The following LITAF variants were observed in gnomAD, a reference collection of about 807,000 sequenced individuals.
LITAF encodes the protein lipopolysaccharide induced TNF factor.
LITAF carries 9 observed loss-of-function variants against 14.5 expected under a neutral mutation model. The ratio of observed to expected loss-of-function variants is 0.62; its 90% CI spans 0.37 to 1.08. The LOEUF (loss-of-function observed/expected upper bound fraction) is 1.08. Ranked by LOEUF, LITAF falls within the 50% of genes least tolerant of loss-of-function variation. The pLI is 0.01. For synonymous variants in LITAF, 98 were observed against 88.2 expected, an observed-to-expected ratio of 1.11 and a Z score of -0.62; for missense variants, 206 against 213.4, an observed-to-expected ratio of 0.97 and a Z score of 0.22.
chr16:11,603,848 T>A (rs1555472451), intron 3 of LITAF, among the ~76,000 whole-genome samples: 1 of 150,176 alleles, frequency 6.7e-6, no homozygotes, highest in Non-Finnish European at 1.5e-5. Context: ...ATCGAGACCA[T>A]CCTGGCTAAC....
intron 3 of LITAF, among the ~76,000 whole-genome samples, chr16:11,608,320 G>A (rs991683520): frequency 6.6e-6 from 1 of 152,236 alleles, no homozygotes; most frequent in Non-Finnish European, 1.5e-5. Flanking sequence ...AAGGGACGTA[G>A]CTGGATCATG....
chr16:11,550,826 G>A lies in LITAF; in HGVS notation c.378-1081C>T, dbSNP rs546555759. ...TACTTTCATCCTGATGAGCCATGGCGTCTCTGTTGCAACTGCTCAACTCTG... is the reference window on the plus strand; with the variant it reads ...TACTTTCATCCTGATGAGCCATGGCATCTCTGTTGCAACTGCTCAACTCTG... On this transcript the variant is annotated intron_variant, in intron 3 of 3. Coordinates refer to ENST00000622633, the MANE Select transcript of LITAF (RefSeq NM_001136472.2). 3.9e-5 allele frequency among the ~76,000 whole-genome samples: 6 copies of A among 152,236 alleles called. No homozygotes were observed. In the East Asian group the frequency reaches 9.7e-4, roughly 25 times the overall value.
intron 1 of LITAF, among the ~76,000 whole-genome samples, chr16:11,580,180 C>T (rs1386828009): frequency 1.3e-5 from 2 of 152,008 alleles, no homozygotes; most frequent in Non-Finnish European, 2.9e-5. Context: ...GAAACACTTC[C>T]GGTCCCAAGC....
intron 3 of LITAF, among the ~76,000 whole-genome samples, chr16:11,608,958 C>A (rs4781127): frequency 2.4e-3 from 286 of 117,590 alleles, no homozygotes; most frequent in African/African-American, 8.0e-3. Flanking sequence ...CACACACACA[C>A]AAAAAAAACA....
chr16:11,578,307 C>G (rs970305005), intron 1 of LITAF, among the ~76,000 whole-genome samples: 1 of 152,132 alleles, frequency 6.6e-6, no homozygotes, highest in African/African-American at 2.4e-5. Flanking sequence ...CCTGTAATCC[C>G]GGCACTTTGG....
At chr16:11,556,253 C>T in intron 2 of LITAF, 1 of 538,600 alleles carries the variant, frequency 1.9e-6, no homozygotes, top group East Asian at 2.9e-5. Context: ...GTTGGTTGTG[C>T]CTCCAAGAGA....
rs372341839 is a variant in LITAF, at chr16:11,549,616, C to T, written c.*21G>A. The T allele has an allele frequency of 2.5e-6, 4 of 1,580,764 alleles. No homozygotes were observed. Among genetic ancestry groups the T allele is most frequent in the Non-Finnish European group, 3.5e-6 (4 of 1,152,068 alleles). On this transcript the variant is annotated 3_prime_UTR_variant, in exon 4 of 4. Coordinates refer to ENST00000622633, the MANE Select transcript of LITAF (RefSeq NM_001136472.2). This position sits in a 1 kb window ranked among gnomAD's most constrained non-coding sequence, Gnocchi z 4.6. ...AAAGGACTTCCTGCGGCACCCGGCT[C>T]CCTCCACGTCTGGCTGAGTCCTACA...
At chr16:11,638,292 T>G (rs1216393685), upstream of LITAF, among the ~76,000 whole-genome samples, 6 of 151,524 alleles carry the variant, frequency 4.0e-5, no homozygotes, top group African/African-American at 1.5e-4. Flanking sequence ...ATAATGCACA[T>G]AACAAGTGCT....
At chr16:11,560,794 G>A (rs912284076) in intron 1 of LITAF, among the ~76,000 whole-genome samples, 2 of 152,174 alleles carry the variant, frequency 1.3e-5, no homozygotes, top group African/African-American at 2.4e-5. Flanking sequence ...CAGGAGGGCA[G>A]GGTGGGGCTG....
chr16:11,615,042 A>G (rs1292411578), intron 3 of LITAF, among the ~76,000 whole-genome samples: 1 of 152,196 alleles, frequency 6.6e-6, no homozygotes, highest in Non-Finnish European at 1.5e-5. Context: ...CACGGGGTGG[A>G]TGACCAGTCG....
At chr16:11,575,768 G>A (rs565351633) in intron 1 of LITAF, among the ~76,000 whole-genome samples, 38 of 152,304 alleles carry the variant, frequency 2.5e-4, no homozygotes, top group African/African-American at 8.9e-4. Context: ...TTGAAACACA[G>A]CAGAAACCCC....
chr16:11,578,112 C>T (rs553490624), intron 1 of LITAF, among the ~76,000 whole-genome samples: 30 of 152,068 alleles, frequency 2.0e-4, no homozygotes, highest in East Asian at 9.7e-4. Flanking sequence ...TTGCTCAGGC[C>T]GGTCTTAAAC....
chr16:11,548,392 C>T lies in LITAF; in HGVS notation c.*1245G>A. The stretch of plus-strand genomic sequence containing the variant: ...GAAAACTAAAATCAGACTTTAGATT[C>T]CTCTGAAACAGTTCTGGTTCCCAAG... On this transcript the variant is annotated 3_prime_UTR_variant, in exon 4 of 4. Transcript: ENST00000622633. 2.2e-6 allele frequency: 1 copy of T among 453,968 alleles called. No individual in the cohort carries two copies. The allele number at this position is 453,968 out of a possible 1,614,324, so 28.1% of individuals were successfully genotyped here.
In LITAF at chr16:11,567,434, C is replaced by CAAA. The variant is rs1555468522; in HGVS notation, c.-5-10700_-5-10699insTTT. ...GACTCCGTCTGGAAAAAAAAAAAAA[C>CAAA]ACAAAACAAAACAAAACAACAACAA... On this transcript the variant is annotated intron_variant, in intron 1 of 3. Coordinates refer to ENST00000622633, the MANE Select transcript of LITAF (RefSeq NM_001136472.2). 3.4e-5 allele frequency among the ~76,000 whole-genome samples: 5 copies of CAAA among 146,838 alleles called. 1 individual carries two copies. In the South Asian group the frequency reaches 6.4e-4, roughly 19 times the overall value.
At chr16:11,596,857 G>A (rs1248736277) in intron 1 of LITAF, among the ~76,000 whole-genome samples, 1 of 151,780 alleles carries the variant, frequency 6.6e-6, no homozygotes, top group African/African-American at 2.4e-5. Context: ...GGAAGACAGT[G>A]ATGGGCACAC....
chr16:11,619,950 C>T (rs1043823860), intron 3 of LITAF, among the ~76,000 whole-genome samples: 7 of 151,828 alleles, frequency 4.6e-5, no homozygotes, highest in African/African-American at 1.7e-4. Flanking sequence ...AGTGGATCAC[C>T]TGAGGTCAGG....
At position 11,605,608 on chromosome 16, in the gene LITAF, G is replaced by A. The variant is rs2064951284; in HGVS notation, c.85+27925C>T. Among the ~76,000 whole-genome samples the A allele has an allele frequency of 6.6e-6, 1 of 152,328 alleles. No individual in the cohort carries two copies. Among genetic ancestry groups the A allele is most frequent in the African/African-American group, 2.4e-5 (1 of 41,576 alleles). On this transcript the variant is annotated intron_variant, in intron 3 of 3. Coordinates refer to the LITAF transcript ENST00000574848. This position sits in a 1 kb window ranked among gnomAD's most constrained non-coding sequence, Gnocchi z 4.7. Reference sequence around the variant, plus strand: ...AAAAAGAATTGAGATGGGACAAGGAGTGAGAAGAGGGGAGGAAGCAAGAAA... The same window carrying A: ...AAAAAGAATTGAGATGGGACAAGGAATGAGAAGAGGGGAGGAAGCAAGAAA...
chr16:11,582,874 A>G (rs1329598254), intron 1 of LITAF, among the ~76,000 whole-genome samples: 2 of 152,224 alleles, frequency 1.3e-5, no homozygotes, highest in Non-Finnish European at 2.9e-5. Flanking sequence ...AATATTGCTT[A>G]AAATTCTTAA....
chr16:11,587,150 C>T (rs536241579), upstream of LITAF: 535 of 321,632 alleles, frequency 1.7e-3, 5 homozygotes, highest in Middle Eastern at 9.3e-3. Flanking sequence ...CCCAGGCTTA[C>T]CCCCGAGACG....
Sources: allele counts gnomAD v4.1 joint callset (sites outside exome capture counted in the v4.1 genomes callset), GRCh38; gene constraint gnomAD v4.1.1; non-coding constraint Gnocchi (gnomAD v3.1); transcripts MANE v1.5; gene names NCBI Gene and HGNC (gene_info 2026-07-23, HGNC 2026-07-21).